FAT3: variants seen among roughly 807,000 people sequenced by gnomAD.
FAT3 encodes protocadherin Fat 3.
FAT3 carries 95 observed loss-of-function variants against 310.2 expected under a neutral mutation model. That is an observed-to-expected ratio of 0.31 (90% CI 0.26 to 0.36). The LOEUF is 0.36. Ranked by LOEUF, FAT3 falls within the 10% of genes least tolerant of loss-of-function variation. The pLI is 1.00. For missense variants in FAT3, 5,408 were observed against 5,715.6 expected (o/e 0.95, Z 1.74); for synonymous variants, 2,314 against 2,192.9 (o/e 1.06, Z -1.54).
At chr11:92,253,843 G>A (rs553482580) in intron 1 of FAT3, among the ~76,000 whole-genome samples, 8 of 152,176 alleles carry the variant, frequency 5.3e-5, no homozygotes, top group East Asian at 1.9e-4. Flanking sequence ...TAAATGGTCC[G>A]GGATGAAAGC....
At chr11:92,529,343 G>A (rs886407757) in intron 3 of FAT3, among the ~76,000 whole-genome samples, 1 of 152,170 alleles carries the variant, frequency 6.6e-6, no homozygotes, top group Non-Finnish European at 1.5e-5. Context: ...ACAGAGGCCA[G>A]ATAACTATAC....
At chr11:92,232,642 T>G (rs929944019) in intron 1 of FAT3, among the ~76,000 whole-genome samples, 46 of 145,614 alleles carry the variant, frequency 3.2e-4, no homozygotes, top group Admixed American at 3.4e-4. Flanking sequence ...TTTTTTTTTT[T>G]TTTTTTTTTT....
At chr11:92,725,645 AC>A (rs1476304526) in intron 4 of FAT3, among the ~76,000 whole-genome samples, 1 of 152,198 alleles carries the variant, frequency 6.6e-6, no homozygotes, top group Non-Finnish European at 1.5e-5. Flanking sequence ...ACCTTAAATG[AC>A]CATTTGCTTT....
chr11:92,436,914 A>C (rs1950952581), intron 2 of FAT3, among the ~76,000 whole-genome samples: 1 of 152,186 alleles, frequency 6.6e-6, no homozygotes, highest in South Asian at 2.1e-4. Context: ...TTGCCATGGA[A>C]GCCTCTAGAA....
chr11:92,666,383 G>A lies in FAT3; in HGVS notation c.3608-31001G>A, dbSNP rs1200812715. Among the ~76,000 whole-genome samples, 9 of 142,438 alleles carry A rather than the reference G, an allele frequency of 6.3e-5. No individual in the cohort carries two copies. The South Asian group carries it at 6.5e-4, about 10-fold the overall frequency. The allele number at this position is 142,438 out of a possible 152,430, so 93.4% of individuals were successfully genotyped here. On this transcript the variant is annotated intron_variant, in intron 3 of 27. Coordinates refer to ENST00000525166, the MANE Select transcript of FAT3 (RefSeq NM_001367949.2). ...TTTTTTTTTTTTGAGACGGAATCTCGCTCTGTTGCCTAGGCTGGAGTGCAG... is the reference window on the plus strand; with the variant it reads ...TTTTTTTTTTTTGAGACGGAATCTCACTCTGTTGCCTAGGCTGGAGTGCAG...
chr11:92,256,042 T>TA (rs1357588432), intron 1 of FAT3, among the ~76,000 whole-genome samples: 2 of 152,170 alleles, frequency 1.3e-5, no homozygotes, highest in Non-Finnish European at 2.9e-5. Flanking sequence ...AAAACTGTCC[T>TA]AAAAAGCACA....
At chr11:92,715,877 A>C (rs963580756) in intron 4 of FAT3, among the ~76,000 whole-genome samples, 1 of 151,924 alleles carries the variant, frequency 6.6e-6, no homozygotes, top group African/African-American at 2.4e-5. Context: ...TGCATATGGC[A>C]CCCTTGGGAG....
chr11:92,801,331 G>A lies in FAT3; in HGVS notation c.8318G>A (p.Arg2773His), dbSNP rs138057144. The A allele has an allele frequency of 4.0e-4, 653 of 1,613,942 alleles. 3 individuals are homozygous for A. In the East Asian group the frequency reaches 0.011, roughly 27 times the overall value. The change falls in exon 10 of 28, where the codon CGT (arginine) becomes CAT (histidine). Residue 2773 changes from arginine to histidine, a missense_variant. Physicochemically the swap from Arg to His is conservative, Grantham distance 29 (BLOSUM62 0). This residue lies in a region of FAT3 where 4,588 missense variants were observed against 4,809.8 expected (regional missense o/e 0.95). Coordinates refer to ENST00000525166, the MANE Select transcript of FAT3 (RefSeq NM_001367949.2). ...ATTAAGCTTGACAAACGCCTTGACC[G>A]TGAAACCAGCCCAGCTTTCCACTTT... ...GTIKLDKRLD[R>H]ETSPAFHFKV...
intron 1 of FAT3, among the ~76,000 whole-genome samples, chr11:92,261,976 A>G (rs1865574107): frequency 6.6e-6 from 1 of 151,566 alleles, no homozygotes; most frequent in Non-Finnish European, 1.5e-5. Context: ...TCCTTTATAC[A>G]TATTTACTCT....
intron 3 of FAT3, among the ~76,000 whole-genome samples, chr11:92,610,130 C>T (rs1042146719): frequency 2.0e-5 from 3 of 151,998 alleles, no homozygotes; most frequent in South Asian, 2.1e-4. Flanking sequence ...TTTACTAGTG[C>T]ACTTGTAAAA....
At position 92,866,908 on chromosome 11, in the gene FAT3, G is replaced by A. The variant is rs1565662676; in HGVS notation, c.11826G>A (p.Arg3942=). The A allele has an allele frequency of 6.2e-7, 1 of 1,613,988 alleles. No homozygotes were observed. Among genetic ancestry groups the A allele is most frequent in the Non-Finnish European group, 8.5e-7 (1 of 1,179,890 alleles). Residue 3942 remains arginine, a synonymous_variant, in exon 22 of 28, where the codon CGG becomes CGA. Transcript: ENST00000525166. Reference sequence around the variant, plus strand: ...ATGACAGCTACGTGGAGCGGCGCCGGGCGCCCCTCTACTTCCAGACGCTGA... The same window carrying A: ...ATGACAGCTACGTGGAGCGGCGCCGAGCGCCCCTCTACTTCCAGACGCTGA... The part of the protein sequence containing the change: ...SLDDSYVERR[R]APLYFQTLST...
intron 3 of FAT3, among the ~76,000 whole-genome samples, chr11:92,631,071 C>T (rs1941541605): frequency 6.6e-6 from 1 of 152,120 alleles, no homozygotes; most frequent in African/African-American, 2.4e-5. Flanking sequence ...TATTTATTTC[C>T]CTCCTTCAGG....
chr11:92,787,839 G>GAGAAAT (rs1946935200), intron 7 of FAT3, among the ~76,000 whole-genome samples: 1 of 151,860 alleles, frequency 6.6e-6, no homozygotes, highest in Non-Finnish European at 1.5e-5. Context: ...TTTTGATGAT[G>GAGAAAT]TCATTAAGCA....
intron 2 of FAT3, among the ~76,000 whole-genome samples, chr11:92,474,797 G>A (rs1941439): frequency 0.033 from 4,977 of 152,258 alleles, 99 homozygotes; most frequent in African/African-American, 0.039. Flanking sequence ...CTGATGTCAC[G>A]TTACTCCCAG....
intron 2 of FAT3, among the ~76,000 whole-genome samples, chr11:92,370,905 C>T (rs974263908): frequency 6.6e-6 from 1 of 152,114 alleles, no homozygotes; most frequent in Admixed American, 6.6e-5. Flanking sequence ...AAAATATGTT[C>T]AAGAACCAGG....
chr11:92,557,936 TG>T (rs1955080645), intron 3 of FAT3, among the ~76,000 whole-genome samples: 1 of 152,226 alleles, frequency 6.6e-6, no homozygotes, highest in Non-Finnish European at 1.5e-5. Flanking sequence ...AATGTGAGCC[TG>T]AAGGCTCTTG....
chr11:92,548,707 G>C (rs897903053), intron 3 of FAT3, among the ~76,000 whole-genome samples: 9 of 152,158 alleles, frequency 5.9e-5, no homozygotes, highest in Non-Finnish European at 1.5e-5. Flanking sequence ...AATCACCTCA[G>C]TAAAAGATCT....
intron 3 of FAT3, among the ~76,000 whole-genome samples, chr11:92,600,552 G>A (rs1366627891): frequency 3.9e-5 from 6 of 152,188 alleles, no homozygotes; most frequent in African/African-American, 1.4e-4. Context: ...GCTTAGAATT[G>A]TACATTAACT....
intron 3 of FAT3, among the ~76,000 whole-genome samples, chr11:92,526,899 C>T (rs1953885666): frequency 6.6e-6 from 1 of 152,072 alleles, no homozygotes; most frequent in South Asian, 2.1e-4. Context: ...GAAAATACTG[C>T]TTTTTTATCC....
Sources: gnomAD v4.1 joint callset for allele counts (sites outside exome capture counted in the v4.1 genomes callset) on GRCh38, gnomAD v4.1.1 for gene constraint, gnomAD v4.1.1 regional missense constraint, MANE v1.5 for transcripts, NCBI Gene and HGNC (gene_info 2026-07-23, HGNC 2026-07-21) for gene names.